Variants in CNTN5 observed in about 807,000 individuals in gnomAD.
CNTN5 encodes the protein contactin 5, also known as contactin-5.
Under a neutral mutation model 129.1 loss-of-function variants are expected in CNTN5, and 77 were observed. The ratio of observed to expected loss-of-function variants is 0.60; its 90% confidence interval spans 0.50 to 0.72. CNTN5 has a LOEUF of 0.72. Ranked by LOEUF, CNTN5 falls within the 30% of genes least tolerant of loss-of-function variation. The pLI is 0.00. For synonymous variants in CNTN5, 509 were observed against 465.6 expected, an observed-to-expected ratio of 1.09 and a Z score of -1.20; for missense variants, 1,478 against 1,328.8, an observed-to-expected ratio of 1.11 and a Z score of -1.75.
chr11:99,171,151 T>G (rs1414555829), intron 1 of CNTN5, among the ~76,000 whole-genome samples: 1 of 152,194 alleles, frequency 6.6e-6, no homozygotes, highest in Non-Finnish European at 1.5e-5. Flanking sequence ...CTGCATTTCA[T>G]GAGTTTTGTA....
At chr11:99,273,099 A>G (rs2135862588) in intron 1 of CNTN5, among the ~76,000 whole-genome samples, 1 of 151,930 alleles carries the variant, frequency 6.6e-6, no homozygotes, top group South Asian at 2.1e-4. Context: ...CACGGAAAGA[A>G]AAATGAGTAA....
At chr11:100,291,993 G>A (rs142337084) in intron 18 of CNTN5, among the ~76,000 whole-genome samples, 13 of 151,722 alleles carry the variant, frequency 8.6e-5, no homozygotes, top group East Asian at 7.8e-4. Flanking sequence ...GCACTTTTAC[G>A]TACTAGAGCA....
chr11:99,847,392 A>C (rs1947734242), intron 6 of CNTN5, among the ~76,000 whole-genome samples: 1 of 152,234 alleles, frequency 6.6e-6, no homozygotes, highest in Non-Finnish European at 1.5e-5. Context: ...TTACCTATTT[A>C]GCATGAAGCT....
intron 18 of CNTN5, among the ~76,000 whole-genome samples, chr11:100,271,888 G>A (rs1347659793): frequency 2.0e-5 from 3 of 152,160 alleles, no homozygotes; most frequent in African/African-American, 7.2e-5. Context: ...CACCTGGAAG[G>A]TGCAGAAAAA....
In CNTN5 at chr11:99,738,616, C is replaced by CGTGTGTGTGTGTGTGTGTGTGTGTGT. The variant is rs113729274; in HGVS notation, c.56-80927_56-80902dup. The stretch of plus-strand genomic sequence containing the variant: ...AAATGATACATTCATAAGACAGTAA[C>CGTGTGTGTGTGTGTGTGTGTGTGTGT]GTGTGTGTGTGTGTGTGTGTGTGTG... On this transcript the variant is annotated intron_variant, in intron 3 of 24. Transcript: ENST00000524871. Among the ~76,000 whole-genome samples the CGTGTGTGTGTGTGTGTGTGTGTGTGT allele has an allele frequency of 3.1e-4, 45 of 143,272 alleles. 1 individual carries two copies. The highest frequency in any genetic ancestry group is 3.4e-3 in the Middle Eastern group (1 of 290). 94.0% of individuals were successfully genotyped at this position (143,272 alleles called of 152,430 possible). A position where few individuals can be genotyped will look rare whatever the true frequency, so the allele number is the denominator to read the frequency against.
intron 15 of CNTN5, among the ~76,000 whole-genome samples, chr11:100,217,785 A>C (rs1284491012): frequency 6.6e-6 from 1 of 152,216 alleles, no homozygotes; most frequent in African/African-American, 2.4e-5. Context: ...TCAGCTTAGA[A>C]GATGTTATTA....
intron 3 of CNTN5, among the ~76,000 whole-genome samples, chr11:99,590,020 G>GTA (rs2135663559): frequency 6.6e-6 from 1 of 152,272 alleles, no homozygotes; most frequent in East Asian, 1.9e-4. Flanking sequence ...GCTAGTGAGG[G>GTA]TATAGCCAGT....
In CNTN5 at chr11:99,679,501, A is replaced by T. The variant is rs541008959; in HGVS notation, c.55+123232A>T. Among the ~76,000 whole-genome samples the T allele has an allele frequency of 3.9e-5, 6 of 152,158 alleles. No individual in the cohort carries two copies. The South Asian group carries it at 1.2e-3, about 32-fold the overall frequency. ...GGAGATCTTTGATCAGGGATCTTTG[A>T]TGTTACTATTGTAATTTTTTTGAGT... On this transcript the variant is annotated intron_variant, in intron 3 of 24. Transcript: ENST00000524871.
intron 2 of CNTN5, among the ~76,000 whole-genome samples, chr11:99,359,829 C>A (rs1019655163): frequency 3.3e-5 from 5 of 151,824 alleles, no homozygotes; most frequent in Non-Finnish European, 5.9e-5. Flanking sequence ...AACAGACATT[C>A]TATTCCAAAA....
rs59341657 is a variant in CNTN5 at position 99,328,907 on chromosome 11, G to GA, written c.-71+3432dup. On this transcript the variant is annotated intron_variant, in intron 2 of 24. Transcript: ENST00000524871. ...AAAAAAAGAAAAAAAACAGGAAAAA[G>GA]AAAAAAAAACCTAGTAAGGTGAAAC... 5.6e-4 allele frequency among the ~76,000 whole-genome samples: 79 copies of GA among 140,156 alleles called. 1 individual carries two copies. The highest frequency in any genetic ancestry group is 5.0e-3 in the South Asian group (22 of 4,358). 91.9% of individuals were successfully genotyped at this position (140,156 alleles called of 152,430 possible).
At chr11:99,253,242 G>A (rs936847222) in intron 1 of CNTN5, among the ~76,000 whole-genome samples, 2 of 151,984 alleles carry the variant, frequency 1.3e-5, no homozygotes, top group Non-Finnish European at 2.9e-5. Flanking sequence ...GCCTGCTGCC[G>A]TGTAAGAATG....
At chr11:99,335,102 G>C (rs1415124797) in intron 2 of CNTN5, among the ~76,000 whole-genome samples, 1 of 152,090 alleles carries the variant, frequency 6.6e-6, no homozygotes, top group Non-Finnish European at 1.5e-5. Flanking sequence ...TATAATAACA[G>C]CAATAGCAAA....
chr11:100,014,345 T>C (rs1045729628), intron 9 of CNTN5, among the ~76,000 whole-genome samples: 2 of 152,116 alleles, frequency 1.3e-5, no homozygotes, highest in African/African-American at 4.8e-5. Context: ...ATTTAAAACC[T>C]CTCAAGTCCC....
At chr11:99,576,885 C>T (rs893245850) in intron 3 of CNTN5, among the ~76,000 whole-genome samples, 51 of 152,142 alleles carry the variant, frequency 3.4e-4, no homozygotes, top group Admixed American at 1.0e-3. Context: ...GTTCTCATCT[C>T]TTCATACTAT....
At chr11:99,058,497 G>A (rs1210684742) in intron 1 of CNTN5, among the ~76,000 whole-genome samples, 1 of 151,852 alleles carries the variant, frequency 6.6e-6, no homozygotes, top group Non-Finnish European at 1.5e-5. Flanking sequence ...TAGAGTTAGG[G>A]AGCTATAACT....
chr11:100,285,279 G>A (rs1217536609), intron 18 of CNTN5, among the ~76,000 whole-genome samples: 2 of 152,120 alleles, frequency 1.3e-5, no homozygotes, highest in Non-Finnish European at 2.9e-5. Flanking sequence ...GAACCCTACG[G>A]TCTCTTGACT....
chr11:99,857,564 CTA>C (rs1259178584), intron 6 of CNTN5, among the ~76,000 whole-genome samples: 1 of 152,006 alleles, frequency 6.6e-6, no homozygotes, highest in Non-Finnish European at 1.5e-5. Flanking sequence ...ATATTAATAA[CTA>C]TGTTGAATAG....
intron 3 of CNTN5, among the ~76,000 whole-genome samples, chr11:99,717,527 T>C (rs952248985): frequency 1.3e-5 from 2 of 152,060 alleles, no homozygotes; most frequent in Non-Finnish European, 2.9e-5. Context: ...GAGATGTGTT[T>C]GCATGTGTGT....
chr11:100,251,498 T>A (rs930186152), intron 16 of CNTN5, among the ~76,000 whole-genome samples: 4 of 152,144 alleles, frequency 2.6e-5, no homozygotes, highest in African/African-American at 7.2e-5. Flanking sequence ...CCTACAGTGG[T>A]CTATAGCCCT....
Sources: allele counts gnomAD v4.1 joint callset (sites outside exome capture counted in the v4.1 genomes callset), GRCh38; gene constraint gnomAD v4.1.1; transcripts MANE v1.5; gene names NCBI Gene and HGNC (gene_info 2026-07-23, HGNC 2026-07-21).